PAH: variants seen among roughly 807,000 people sequenced by gnomAD.
The protein encoded by PAH is phenylalanine-4-hydroxylase.
A neutral mutation model predicts 62.0 loss-of-function variants in PAH; 64 were observed. The observed-to-expected ratio is 1.03, with a 90% CI of 0.84 to 1.27. PAH has a LOEUF of 1.27. Ranked by LOEUF, PAH falls within the 50% of genes most tolerant of loss-of-function variation. The pLI is 0.00. For synonymous variants in PAH, 195 were observed against 196.2 expected (o/e 0.99, Z 0.05); for missense variants, 579 against 542.8 (o/e 1.07, Z -0.66).
chr12:102,935,819 G>T (rs1334232265), intron 1 of PAH, among the ~76,000 whole-genome samples: 2 of 150,978 alleles, frequency 1.3e-5, no homozygotes, highest in African/African-American at 4.9e-5. Flanking sequence ...TGCTGATTTT[G>T]TTTACCTTTT....
Position 102,868,795 on chromosome 12 carries a change from T to C in PAH, c.442-2132A>G, listed in dbSNP as rs544261038. Among the ~76,000 whole-genome samples the C allele has an allele frequency of 3.9e-5, 6 of 152,314 alleles. No individual in the cohort carries two copies. In the East Asian group the frequency reaches 1.2e-3, roughly 29 times the overall value. On this transcript the variant is annotated intron_variant, in intron 4 of 12. Transcript: ENST00000553106. Reference sequence around the variant, plus strand: ...ATATCTCCATACTTGGGGCTCAAAATAAACATGTAATATTGGTCAGTCATT... The same window carrying C: ...ATATCTCCATACTTGGGGCTCAAAACAAACATGTAATATTGGTCAGTCATT...
intron 5 of PAH, among the ~76,000 whole-genome samples, chr12:102,858,973 C>G (rs1274069471): frequency 6.6e-6 from 1 of 152,006 alleles, no homozygotes; most frequent in Non-Finnish European, 1.5e-5. Context: ...TAACTGAGAT[C>G]AGAGCAGAAC....
intron 1 of PAH, among the ~76,000 whole-genome samples, chr12:102,922,580 A>G (rs1055888873): frequency 1.3e-5 from 2 of 152,212 alleles, no homozygotes; most frequent in African/African-American, 4.8e-5. Context: ...ATTCTTTTGT[A>G]ATGGCTCCAT....
chr12:102,940,159 C>T (rs1319935730), intron 1 of PAH, among the ~76,000 whole-genome samples: 3 of 152,190 alleles, frequency 2.0e-5, no homozygotes, highest in Non-Finnish European at 2.9e-5. Flanking sequence ...CCTCTGAAAA[C>T]ATCTAGAAAT....
At chr12:102,918,588 G>A (rs919568972), upstream of PAH, among the ~76,000 whole-genome samples, 1 of 123,162 alleles carries the variant, frequency 8.1e-6, no homozygotes, top group East Asian at 2.4e-4. Flanking sequence ...TTTTTGTTTT[G>A]TTTTTGTCTT....
At chr12:102,839,470 C>T (rs1874494778) in intron 12 of PAH, among the ~76,000 whole-genome samples, 1 of 152,198 alleles carries the variant, frequency 6.6e-6, no homozygotes, top group Non-Finnish European at 1.5e-5. Flanking sequence ...CAGGTCTCTC[C>T]CCAGGCAAAT....
At chr12:102,919,032 C>T (rs974524457), upstream of PAH, among the ~76,000 whole-genome samples, 14 of 152,276 alleles carry the variant, frequency 9.2e-5, no homozygotes, top group African/African-American at 2.6e-4. Context: ...CACTGTGCCA[C>T]GCTCTCCACG....
chr12:102,929,069 G>A (rs754257166), intron 1 of PAH, among the ~76,000 whole-genome samples: 14 of 151,962 alleles, frequency 9.2e-5, no homozygotes, highest in Admixed American at 6.6e-5. Flanking sequence ...CTTTTGCTCG[G>A]CACTTTTCCT....
At chr12:102,890,833 A>G (rs1877246930) in intron 3 of PAH, among the ~76,000 whole-genome samples, 1 of 152,188 alleles carries the variant, frequency 6.6e-6, no homozygotes, top group African/African-American at 2.4e-5. Context: ...TTGTAATCTC[A>G]GCACTTTGGG....
intron 4 of PAH, among the ~76,000 whole-genome samples, chr12:102,868,509 G>GT (rs1270298042): frequency 6.6e-6 from 1 of 151,960 alleles, no homozygotes; most frequent in Non-Finnish European, 1.5e-5. Flanking sequence ...TTATGACACG[G>GT]TTATTGCAAA....
At chr12:102,844,958 C>T (rs1197827881) in intron 9 of PAH, among the ~76,000 whole-genome samples, 1 of 152,152 alleles carries the variant, frequency 6.6e-6, no homozygotes, top group Non-Finnish European at 1.5e-5. Flanking sequence ...CTGTGTAAGC[C>T]AATTCCCCTA....
intron 1 of PAH, among the ~76,000 whole-genome samples, chr12:102,934,303 T>C (rs1049944410): frequency 1.3e-5 from 2 of 152,150 alleles, no homozygotes; most frequent in African/African-American, 2.4e-5. Flanking sequence ...TTTATGCCAG[T>C]ACTATCCTGT....
intron 1 of PAH, among the ~76,000 whole-genome samples, chr12:102,936,411 G>A (rs1592999830): frequency 6.6e-6 from 1 of 152,116 alleles, no homozygotes; most frequent in African/African-American, 2.4e-5. Context: ...GGTCTATAGT[G>A]CAGATTACAT....
intron 3 of PAH, among the ~76,000 whole-genome samples, chr12:102,879,301 T>G (rs748855437): frequency 2.0e-5 from 3 of 151,844 alleles, no homozygotes; most frequent in Non-Finnish European, 4.4e-5. Context: ...CCGCTCAGCG[T>G]CTGGTACATA....
intron 4 of PAH, among the ~76,000 whole-genome samples, chr12:102,874,235 C>T (rs1390152784): frequency 6.6e-6 from 1 of 152,108 alleles, no homozygotes; most frequent in Non-Finnish European, 1.5e-5. Context: ...GTAAAGGGAA[C>T]AACATGGACA....
rs993891010 is a variant in PAH at position 102,856,474 on chromosome 12, T to G, written c.510-1142A>C. Among the ~76,000 whole-genome samples, 11 of 152,260 alleles carry G rather than the reference T, an allele frequency of 7.2e-5. No homozygotes were observed. In the South Asian group the frequency reaches 2.1e-3, roughly 29 times the overall value. Reference sequence around the variant, plus strand: ...CTTAAATGTCCCTGTCTGACAGCTTTGAAGAGAGTAGTGGTTCTCCCAGCA... The same window carrying G: ...CTTAAATGTCCCTGTCTGACAGCTTGGAAGAGAGTAGTGGTTCTCCCAGCA... On this transcript the variant is annotated intron_variant, in intron 5 of 12. Coordinates refer to ENST00000553106, the MANE Select transcript of PAH (RefSeq NM_000277.3).
chr12:102,859,698 T>C (rs1875628680), intron 5 of PAH, among the ~76,000 whole-genome samples: 1 of 152,164 alleles, frequency 6.6e-6, no homozygotes, highest in South Asian at 2.1e-4. Context: ...TAATCCAGCA[T>C]ATAAACAGAA....
At chr12:102,927,352 G>C (rs986201740) in intron 1 of PAH, among the ~76,000 whole-genome samples, 1 of 145,466 alleles carries the variant, frequency 6.9e-6, no homozygotes, top group Non-Finnish European at 1.5e-5. Context: ...CCCAGATACT[G>C]CCTGGCAGTT....
chr12:102,893,738 T>A (rs144216584), intron 3 of PAH, among the ~76,000 whole-genome samples: 1 of 152,344 alleles, frequency 6.6e-6, no homozygotes, highest in East Asian at 1.9e-4. Flanking sequence ...AAGCCCACAC[T>A]TATAATTTCT....
Sources: allele counts gnomAD v4.1 joint callset (sites outside exome capture counted in the v4.1 genomes callset), GRCh38; gene constraint gnomAD v4.1.1; transcripts MANE v1.5; gene names NCBI Gene and HGNC (gene_info 2026-07-23, HGNC 2026-07-21).